The following SENP7 variants were observed in gnomAD, a reference collection of about 807,000 sequenced individuals.
SENP7 encodes sentrin-specific protease 7.
A neutral mutation model predicts 141.2 loss-of-function variants in SENP7; 64 were observed. That is an observed-to-expected ratio of 0.45 (90% CI 0.37 to 0.56). The LOEUF is 0.56. SENP7 is among the 20% of genes least tolerant of loss of function. SENP7 has a pLI of 0.00. For missense variants in SENP7, 1,025 were observed against 1,212.2 expected, an observed-to-expected ratio of 0.85 and a Z score of 2.29; for synonymous variants, 382 against 426.4, an observed-to-expected ratio of 0.90 and a Z score of 1.28.
At chr3:101,365,634 C>CAAAAA (rs1010380283) in intron 9 of SENP7, among the ~76,000 whole-genome samples, 24 of 62,128 alleles carry the variant, frequency 3.9e-4, no homozygotes, top group African/African-American at 1.3e-3. Flanking sequence ...GACTCTGTCT[C>CAAAAA]AAAAAAAAAA....
intron 3 of SENP7, among the ~76,000 whole-genome samples, chr3:101,490,992 G>A (rs544686503): frequency 3.2e-4 from 48 of 151,838 alleles, no homozygotes; most frequent in Non-Finnish European, 5.1e-4. Context: ...TAACTTTTGC[G>A]AATATCAAAA....
chr3:101,474,778 C>T, intron 3 of SENP7, among the ~76,000 whole-genome samples: 1 of 152,068 alleles, frequency 6.6e-6, no homozygotes, highest in East Asian at 1.9e-4. Flanking sequence ...GGAATACTTC[C>T]AGCTTTTGCC....
intron 16 of SENP7, among the ~76,000 whole-genome samples, chr3:101,339,266 G>A (rs553058843): frequency 8.5e-5 from 13 of 152,218 alleles, no homozygotes; most frequent in African/African-American, 3.1e-4. Context: ...TAATAAATTT[G>A]GTTTGGGAGA....
chr3:101,374,599 C>CCA (rs35499343), intron 6 of SENP7, among the ~76,000 whole-genome samples: 1,672 of 149,100 alleles, frequency 0.011, 26 homozygotes, highest in African/African-American at 0.037. Flanking sequence ...TTCACCCCAC[C>CCA]CACACACACA....
chr3:101,479,019 G>C (rs1056020547), intron 3 of SENP7, among the ~76,000 whole-genome samples: 83 of 152,130 alleles, frequency 5.5e-4, no homozygotes, highest in African/African-American at 1.9e-3. Context: ...TGATAAAAAT[G>C]CTCAAGAAAC....
In SENP7 at chr3:101,366,660, C is replaced by A. The variant is rs141245766; in HGVS notation, c.1088G>T (p.Ser363Ile). ...AAGTGAGGATAGTTTAGTAAAATCA[C>A]TTTTTGTAGGTTTAGTTGTAATTTC... Reference protein sequence around the residue: ...PEEITTKPTKSDFTKLSSLNS... With the variant: ...PEEITTKPTKIDFTKLSSLNS... Residue 363 changes from serine (S) to isoleucine (I), a missense_variant, in exon 9 of 24, where the codon AGT becomes ATT. This residue lies in a region of SENP7 where 496 missense variants were observed against 503.5 expected (regional missense o/e 0.99). Coordinates refer to ENST00000394095, the MANE Select transcript of SENP7 (RefSeq NM_020654.5). The A allele has an allele frequency of 6.2e-7, 1 of 1,613,766 alleles. No individual in the cohort carries two copies. Among genetic ancestry groups the A allele is most frequent in the Non-Finnish European group, 8.5e-7 (1 of 1,179,806 alleles).
chr3:101,474,090 G>GTACCATGC (rs1426556686), intron 3 of SENP7, among the ~76,000 whole-genome samples: 1 of 150,224 alleles, frequency 6.7e-6, no homozygotes, highest in Non-Finnish European at 1.5e-5. Context: ...CCATTGGTCA[G>GTACCATGC]TGTGCCTGTA....
rs929103093 is a variant in SENP7, at chr3:101,446,057, G to A, written c.284+12898C>T. Among the ~76,000 whole-genome samples the A allele has an allele frequency of 3.3e-5, 5 of 152,164 alleles. 1 individual carries two copies. Among genetic ancestry groups the A allele is most frequent in the Non-Finnish European group, 7.4e-5 (5 of 68,026 alleles). On this transcript the variant is annotated intron_variant, in intron 4 of 23. Coordinates refer to ENST00000394095, the MANE Select transcript of SENP7 (RefSeq NM_020654.5). ...TATGGGAGGTGATTGGTTCGTGGGGGAGAATGTCTCCCTTGATGTTCTCCT... is the reference window on the plus strand; with the variant it reads ...TATGGGAGGTGATTGGTTCGTGGGGAAGAATGTCTCCCTTGATGTTCTCCT...
At chr3:101,441,190 C>A (rs994712688) in intron 4 of SENP7, among the ~76,000 whole-genome samples, 9 of 152,154 alleles carry the variant, frequency 5.9e-5, no homozygotes, top group African/African-American at 1.9e-4. Context: ...GAGGACAAGC[C>A]CATGCCCATG....
chr3:101,326,182 A>G, intron 23 of SENP7, 102 bp from the exon 24 acceptor site: 1 of 923,140 alleles, frequency 1.1e-6, no homozygotes, highest in Non-Finnish European at 1.6e-6. Flanking sequence ...ACTTTTTTAA[A>G]ATAACAATTA....
At chr3:101,396,749 CTCT>C (rs1303919454) in intron 6 of SENP7, among the ~76,000 whole-genome samples, 1 of 151,882 alleles carries the variant, frequency 6.6e-6, no homozygotes, top group South Asian at 2.1e-4. Context: ...GACACAATAC[CTCT>C]TCTTCTCAAG....
At chr3:101,458,040 G>C (rs1051235125) in intron 4 of SENP7, among the ~76,000 whole-genome samples, 1 of 152,140 alleles carries the variant, frequency 6.6e-6, no homozygotes, top group African/African-American at 2.4e-5. Flanking sequence ...GGGAAACCAA[G>C]TCTGAAAACT....
chr3:101,356,515 T>C (rs1367696393), intron 11 of SENP7, among the ~76,000 whole-genome samples: 2 of 152,224 alleles, frequency 1.3e-5, no homozygotes. Flanking sequence ...TAAAGTTATA[T>C]ACAAATAATT....
chr3:101,456,998 A>G lies in SENP7; in HGVS notation c.284+1957T>C, dbSNP rs1206747574. Among the ~76,000 whole-genome samples, 6 of 152,054 alleles carry G rather than the reference A, an allele frequency of 3.9e-5. No individual in the cohort carries two copies. The East Asian group carries it at 1.2e-3, about 29-fold the overall frequency. ...TTTGTTTTGTTTTACTAGGCAAAGA[A>G]CTTTATTAACCTTTGTTTCAAAGTT... On this transcript the variant is annotated intron_variant, in intron 4 of 23. Transcript: ENST00000394095.
intron 5 of SENP7, among the ~76,000 whole-genome samples, chr3:101,406,170 A>G (rs571612826): frequency 6.6e-6 from 1 of 152,334 alleles, no homozygotes; most frequent in Non-Finnish European, 1.5e-5. Flanking sequence ...AATAGCAAAG[A>G]CTTGGAACCA....
At chr3:101,464,764 C>G (rs576658748) in intron 3 of SENP7, among the ~76,000 whole-genome samples, 1 of 152,226 alleles carries the variant, frequency 6.6e-6, no homozygotes, top group African/African-American at 2.4e-5. Flanking sequence ...GCCCCACTAC[C>G]TGGATCCATA....
chr3:101,445,527 C>A (rs1037543512), intron 4 of SENP7, among the ~76,000 whole-genome samples: 1 of 151,646 alleles, frequency 6.6e-6, no homozygotes, highest in Non-Finnish European at 1.5e-5. Flanking sequence ...AGAGAGCTAA[C>A]AAAATGACAA....
intron 12 of SENP7, among the ~76,000 whole-genome samples, chr3:101,349,109 G>C (rs1011424438): frequency 1.3e-5 from 2 of 152,040 alleles, no homozygotes; most frequent in Admixed American, 6.6e-5. Context: ...CTCCAACCCC[G>C]TGATTCACAT....
At chr3:101,403,559 A>G (rs539209858) in intron 5 of SENP7, among the ~76,000 whole-genome samples, 2 of 152,300 alleles carry the variant, frequency 1.3e-5, no homozygotes, top group South Asian at 2.1e-4. Flanking sequence ...CTAATTTGCC[A>G]AAGGATTCCA....
Sources: allele counts gnomAD v4.1 joint callset (sites outside exome capture counted in the v4.1 genomes callset), GRCh38; gene constraint gnomAD v4.1.1; regional missense constraint gnomAD v4.1.1; transcripts MANE v1.5; gene names NCBI Gene and HGNC (gene_info 2026-07-23, HGNC 2026-07-21).